The following ELK3 variants were observed in gnomAD, a reference collection of about 807,000 sequenced individuals.
ELK3 encodes the protein ETS domain-containing protein Elk-3.
Under a neutral mutation model 28.9 loss-of-function variants are expected in ELK3, and 10 were observed. The observed-to-expected ratio is 0.35, with a 90% CI of 0.21 to 0.59. The LOEUF is 0.59. Among genes scored for constraint, ELK3 ranks in the 20% least tolerant of loss-of-function variants. The pLI is 0.82. For synonymous variants in ELK3, 272 were observed against 243.5 expected (o/e 1.12, Z -1.09); for missense variants, 463 against 517.3 (o/e 0.90, Z 1.02).
Position 96,247,140 on chromosome 12 carries a change from A to G in ELK3, c.408A>G (p.Glu136=). 6.2e-7 allele frequency: 1 copy of G among 1,614,016 alleles called. No homozygotes were observed. Among genetic ancestry groups the G allele is most frequent in the Non-Finnish European group, 8.5e-7 (1 of 1,179,938 alleles). The change falls in exon 3 of 5, where the codon GAA becomes GAG. Residue 136 remains glutamate, a synonymous_variant. Transcript: ENST00000228741. The surrounding 1 kb of genome is among the most constrained non-coding windows in gnomAD (Gnocchi z 5.5). ...CCCTCAGAAGCACGAGCCGCAACGA[A>G]TACATCCACTCAGGCCTGTACTCGT... ...LAALRSTSRN[E]YIHSGLYSSF... is the part of the protein sequence containing the mutation.
At chr12:96,221,331 A>G (rs1181424438) in intron 1 of ELK3, among the ~76,000 whole-genome samples, 6 of 152,216 alleles carry the variant, frequency 3.9e-5, no homozygotes, top group African/African-American at 1.4e-4. Flanking sequence ...AGTAAAATAC[A>G]TGGATAGATG....
intron 2 of ELK3, among the ~76,000 whole-genome samples, chr12:96,245,895 T>G (rs1415417873): frequency 1.3e-5 from 2 of 152,208 alleles, no homozygotes; most frequent in Non-Finnish European, 2.9e-5. Flanking sequence ...GCCTAATGTT[T>G]GAGGACTGGA....
At position 96,201,784 on chromosome 12, in the gene ELK3, TTTTGTGG is replaced by T. The variant is rs1448431397; in HGVS notation, c.-3+7081_-3+7087del. On this transcript the variant is annotated intron_variant, in intron 1 of 4. Coordinates refer to ENST00000228741, the MANE Select transcript of ELK3 (RefSeq NM_005230.4). ...ATGCAGGAATTTAAACAAACAGCTA[TTTTGTGG>T]TGGAAAAGGGGGATCTCCATAAGTT... 2.0e-5 allele frequency among the ~76,000 whole-genome samples: 3 copies of T among 152,120 alleles called. No individual in the cohort carries two copies. In the East Asian group the frequency reaches 5.8e-4, roughly 29 times the overall value.
In ELK3 at chr12:96,268,464, A is replaced by G. The variant is rs1174146676; in HGVS notation, c.*1284A>G. 6.6e-6 allele frequency: 1 copy of G among 152,210 alleles called. No homozygotes were observed. Among genetic ancestry groups the G allele is most frequent in the African/African-American group, 2.4e-5 (1 of 41,444 alleles). 9.4% of individuals were successfully genotyped at this position (152,210 alleles called of 1,614,324 possible). A position where few individuals can be genotyped will look rare whatever the true frequency, so the allele number is the denominator to read the frequency against. On this transcript the variant is annotated 3_prime_UTR_variant, in exon 5 of 5. Transcript: ENST00000228741. ...AATTCTGTTGTGTAATGTAATTTGG[A>G]GCAGTGATAATACAGACATATTTTC... is the stretch of plus-strand genomic sequence containing the variant.
At chr12:96,243,835 T>A (rs1386832282) in intron 2 of ELK3, among the ~76,000 whole-genome samples, 2 of 149,830 alleles carry the variant, frequency 1.3e-5, no homozygotes, top group Admixed American at 6.7e-5. Flanking sequence ...AGAGCGAGAC[T>A]CCATCTCAAA....
intron 2 of ELK3, among the ~76,000 whole-genome samples, chr12:96,228,415 T>TAA (rs1951719098): frequency 9.1e-5 from 3 of 32,936 alleles, no homozygotes; most frequent in Admixed American, 4.7e-4. Context: ...AGACTCTGTG[T>TAA]CAAAAAAAAA....
chr12:96,259,793 C>T lies in ELK3; in HGVS notation c.1065C>T (p.Ser355=). ...PLLSSIHFWS[S]LSPVAPLSPA... ...TCTCCAGCATACATTTCTGGAGCAGCCTTAGTCCAGTTGCTCCGCTGAGTC... is the reference window on the plus strand; with the variant it reads ...TCTCCAGCATACATTTCTGGAGCAGTCTTAGTCCAGTTGCTCCGCTGAGTC... Residue 355 remains serine (S), a synonymous_variant, in exon 4 of 5, where the codon AGC becomes AGT. Coordinates refer to ENST00000228741, the MANE Select transcript of ELK3 (RefSeq NM_005230.4). The T allele has an allele frequency of 6.2e-7, 1 of 1,611,304 alleles. No individual in the cohort carries two copies. The highest frequency in any genetic ancestry group is 1.1e-5 in the South Asian group (1 of 90,866).
At chr12:96,261,517 AG>A (rs1951992549) in intron 4 of ELK3, among the ~76,000 whole-genome samples, 1 of 152,248 alleles carries the variant, frequency 6.6e-6, no homozygotes, top group African/African-American at 2.4e-5. Context: ...TAAAATTAAT[AG>A]AATAGAAAGA....
chr12:96,243,258 A>G (rs1223672135), intron 2 of ELK3, among the ~76,000 whole-genome samples: 2 of 152,084 alleles, frequency 1.3e-5, no homozygotes, highest in Admixed American at 1.3e-4. Flanking sequence ...ACCGTGACCC[A>G]CTTTAGAACA....
chr12:96,224,803 G>C lies in ELK3; in HGVS notation c.207+1030G>C, dbSNP rs79684659. ...CATGATAATGGTAAGCTTTTGTTCT[G>C]GTTTTATTGTTCATATTAAAAGGTG... On this transcript the variant is annotated intron_variant, in intron 2 of 4. Transcript: ENST00000228741. Among the ~76,000 whole-genome samples the C allele has an allele frequency of 9.3e-3, 1,421 of 152,118 alleles. 32 individuals carry two copies. Among genetic ancestry groups the C allele is most frequent in the African/African-American group, 0.031 (1,278 of 41,496 alleles).
At chr12:96,200,345 T>C (rs1214784788) in intron 1 of ELK3, among the ~76,000 whole-genome samples, 1 of 152,068 alleles carries the variant, frequency 6.6e-6, no homozygotes, top group Non-Finnish European at 1.5e-5. Flanking sequence ...AGCAATAGAG[T>C]AAAGAAAACG....
At chr12:96,215,579 G>T (rs897921255) in intron 1 of ELK3, among the ~76,000 whole-genome samples, 16 of 149,590 alleles carry the variant, frequency 1.1e-4, no homozygotes, top group African/African-American at 3.9e-4. Context: ...ATTAAAGAAT[G>T]AATCAAAGTT....
chr12:96,205,146 T>C (rs1442103587), intron 1 of ELK3, among the ~76,000 whole-genome samples: 1 of 152,226 alleles, frequency 6.6e-6, no homozygotes, highest in Non-Finnish European at 1.5e-5. Context: ...ACTAACCGTC[T>C]CCACCCTTGA....
intron 3 of ELK3, among the ~76,000 whole-genome samples, chr12:96,252,460 C>T (rs1951914642): frequency 6.6e-6 from 1 of 151,920 alleles, no homozygotes; most frequent in African/African-American, 2.4e-5. Context: ...AATTGAAAAC[C>T]TTCTGGAAAG....
intron 4 of ELK3, among the ~76,000 whole-genome samples, chr12:96,260,702 G>A (rs544933658): frequency 6.6e-6 from 1 of 152,184 alleles, no homozygotes; most frequent in African/African-American, 2.4e-5. Context: ...TTGAGTGCAG[G>A]TGGAAAGAAT....
intron 1 of ELK3, 109 bp from the exon 2 acceptor site, chr12:96,223,455 TG>T: frequency 9.9e-7 from 1 of 1,005,984 alleles, no homozygotes; most frequent in Non-Finnish European, 1.5e-6. Flanking sequence ...TTAGGTTCAC[TG>T]GGGGAAGGAG....
intron 1 of ELK3, among the ~76,000 whole-genome samples, chr12:96,219,416 G>A (rs995037095): frequency 6.6e-6 from 1 of 152,204 alleles, no homozygotes; most frequent in South Asian, 2.1e-4. Flanking sequence ...ATGGTACAAA[G>A]TCTGTGTTTT....
chr12:96,207,573 C>T (rs1416577982), intron 1 of ELK3, among the ~76,000 whole-genome samples: 3 of 152,128 alleles, frequency 2.0e-5, no homozygotes, highest in East Asian at 1.9e-4. Flanking sequence ...GAGAAGAGCA[C>T]GAAGGAAAAA....
chr12:96,216,653 G>A (rs1951620797), intron 1 of ELK3, among the ~76,000 whole-genome samples: 1 of 152,226 alleles, frequency 6.6e-6, no homozygotes. Flanking sequence ...AGGATTCCCT[G>A]TAGCTTAAAA....
Sources: gnomAD v4.1 joint callset for allele counts (sites outside exome capture counted in the v4.1 genomes callset) on GRCh38, gnomAD v4.1.1 for gene constraint, Gnocchi (gnomAD v3.1) non-coding constraint, MANE v1.5 for transcripts, NCBI Gene and HGNC (gene_info 2026-07-23, HGNC 2026-07-21) for gene names.